The following PLD5 variants were observed in gnomAD, a reference collection of about 807,000 sequenced individuals.
PLD5 encodes phospholipase D family member 5, also known as inactive phospholipase D5.
In PLD5, 36 loss-of-function variants were observed where a neutral mutation model predicts 61.1. That is an observed-to-expected ratio of 0.59 (90% CI 0.45 to 0.78). PLD5 has a LOEUF of 0.78. Among genes scored for constraint, PLD5 ranks in the 30% least tolerant of loss-of-function variants. The probability of loss-of-function intolerance (pLI) is 0.00; values close to 1 mark genes in which losing one functional copy is unlikely to be tolerated. For synonymous variants in PLD5, 243 were observed against 242.8 expected (o/e 1.00, Z -0.01); for missense variants, 515 against 644.4 (o/e 0.80, Z 2.17).
At chr1:242,137,148 A>T (rs1335311698) in intron 5 of PLD5, among the ~76,000 whole-genome samples, 1 of 152,180 alleles carries the variant, frequency 6.6e-6, no homozygotes, top group Non-Finnish European at 1.5e-5. Context: ...CTGGGCAAAT[A>T]ACTCACAATC....
chr1:242,307,390 T>C (rs1439045113), intron 2 of PLD5, among the ~76,000 whole-genome samples: 3 of 152,228 alleles, frequency 2.0e-5, no homozygotes, highest in African/African-American at 7.2e-5. Context: ...ATGATGATGA[T>C]AGTAATCGCT....
At chr1:242,142,714 T>TTCTCTCTCTCTCTCTCTCTCTC in intron 5 of PLD5, among the ~76,000 whole-genome samples, 1 of 90,088 alleles carries the variant, frequency 1.1e-5, no homozygotes, top group South Asian at 3.2e-4. Flanking sequence ...AGCTGTGTCT[T>TTCTCTCTCTCTCTCTCTCTCTC]TCTCTCTCTC....
At chr1:242,152,336 T>G (rs1836766) in intron 5 of PLD5, among the ~76,000 whole-genome samples, 72,203 of 151,894 alleles carry the variant, frequency 0.48, 18,627 homozygotes, top group African/African-American at 0.68. Flanking sequence ...GACCCATCTG[T>G]ATAATTAGGA....
intron 1 of PLD5, among the ~76,000 whole-genome samples, chr1:242,460,935 T>A (rs897236212): frequency 6.7e-6 from 1 of 149,996 alleles, no homozygotes; most frequent in Admixed American, 6.7e-5. Flanking sequence ...AGGTCAGGAG[T>A]TCCAGACCAG....
upstream of PLD5, among the ~76,000 whole-genome samples, chr1:242,528,892 G>C (rs930453905): frequency 6.6e-6 from 1 of 152,204 alleles, no homozygotes; most frequent in Non-Finnish European, 1.5e-5. Context: ...GTGTTGCCAA[G>C]TATTACTACA....
At chr1:242,215,622 G>A (rs570663870) in intron 5 of PLD5, among the ~76,000 whole-genome samples, 9 of 152,150 alleles carry the variant, frequency 5.9e-5, no homozygotes, top group East Asian at 1.9e-4. Flanking sequence ...ACACCCCCTC[G>A]GGTCCTCTTT....
intron 4 of PLD5, among the ~76,000 whole-genome samples, chr1:242,247,045 G>T (rs1211700318): frequency 6.7e-6 from 1 of 149,328 alleles, no homozygotes; most frequent in Non-Finnish European, 1.5e-5. Context: ...GTGCAGTGGC[G>T]CGATCTCGAC....
Position 242,440,819 on chromosome 1 carries a change from C to T in PLD5, c.189+83269G>A, listed in dbSNP as rs372461922. Among the ~76,000 whole-genome samples the T allele has an allele frequency of 1.9e-4, 29 of 152,328 alleles. No homozygotes were observed. The East Asian group carries it at 3.1e-3, about 16-fold the overall frequency. ...ACTCATTGCTCCCTCTCCCTCACTC[C>T]GCCTCCTCCTACTGCTCTGTCCATT... is the stretch of plus-strand genomic sequence containing the variant. On this transcript the variant is annotated intron_variant, in intron 1 of 9. Transcript: ENST00000536534.
rs1332959381 is a variant in PLD5, at chr1:242,136,391, G to A, written c.736-11726C>T. Among the ~76,000 whole-genome samples, 5 of 152,242 alleles carry A rather than the reference G, an allele frequency of 3.3e-5. No individual in the cohort carries two copies. The East Asian group carries it at 5.8e-4, about 18-fold the overall frequency. ...CGTAATATACTCTTGACTTACACCT[G>A]TTGCTTGTAGACTGGTCGTATTTTT... On this transcript the variant is annotated intron_variant, in intron 5 of 9. Coordinates refer to ENST00000536534, the MANE Select transcript of PLD5 (RefSeq NM_001372062.1).
intron 2 of PLD5, among the ~76,000 whole-genome samples, chr1:242,297,640 T>G (rs1375224599): frequency 2.3e-4 from 10 of 42,990 alleles, no homozygotes. Context: ...TTTTTTTTTT[T>G]TTTTTTTTTT....
At chr1:242,301,405 G>T (rs908462538) in intron 2 of PLD5, among the ~76,000 whole-genome samples, 9 of 152,156 alleles carry the variant, frequency 5.9e-5, no homozygotes, top group Non-Finnish European at 1.0e-4. Context: ...TGCCACTTTG[G>T]CAAAAGGATT....
intron 1 of PLD5, among the ~76,000 whole-genome samples, chr1:242,468,286 TG>T (rs1667336464): frequency 6.6e-6 from 1 of 152,182 alleles, no homozygotes; most frequent in African/African-American, 2.4e-5. Flanking sequence ...TCCAATATGA[TG>T]GTTAGATCAA....
At chr1:242,329,573 T>C (rs976986929) in intron 2 of PLD5, among the ~76,000 whole-genome samples, 2 of 152,224 alleles carry the variant, frequency 1.3e-5, no homozygotes, top group Non-Finnish European at 2.9e-5. Context: ...CACTTTGATA[T>C]AACCAGTCAT....
At chr1:242,261,402 A>G (rs1017059807) in intron 4 of PLD5, among the ~76,000 whole-genome samples, 1 of 152,202 alleles carries the variant, frequency 6.6e-6, no homozygotes, top group Non-Finnish European at 1.5e-5. Flanking sequence ...TATAGTATCT[A>G]GAACACAACA....
chr1:242,089,537 C>G lies in PLD5; in HGVS notation c.*317G>C. 1 of 498,160 alleles carries G rather than the reference C, an allele frequency of 2.0e-6. No homozygotes were observed. Among genetic ancestry groups the G allele is most frequent in the Non-Finnish European group, 3.5e-6 (1 of 286,412 alleles). 30.9% of individuals were successfully genotyped at this position (498,160 alleles called of 1,614,324 possible). On this transcript the variant is annotated 3_prime_UTR_variant, in exon 10 of 10. Transcript: ENST00000536534. ...CATGCTAAGCTTCCTAACAACTGAC[C>G]GGGTAGGTCAGCAGAAAAAGTTCTA...
At chr1:242,497,736 C>T (rs1668417122) in intron 1 of PLD5, among the ~76,000 whole-genome samples, 1 of 152,202 alleles carries the variant, frequency 6.6e-6, no homozygotes, top group Non-Finnish European at 1.5e-5. Context: ...ACAAATACAG[C>T]TCTGCTTTCT....
chr1:242,201,596 A>C (rs889961276), intron 5 of PLD5, among the ~76,000 whole-genome samples: 12 of 152,078 alleles, frequency 7.9e-5, no homozygotes, highest in Non-Finnish European at 1.5e-4. Flanking sequence ...ATCAAAACCC[A>C]CTGCGGCCTT....
intron 1 of PLD5, among the ~76,000 whole-genome samples, chr1:242,355,070 G>T (rs1660683915): frequency 6.6e-6 from 1 of 151,972 alleles, no homozygotes; most frequent in Non-Finnish European, 1.5e-5. Context: ...CAAGGATATT[G>T]GCCTGTAGTT....
intron 4 of PLD5, among the ~76,000 whole-genome samples, chr1:242,220,703 A>ATT (rs1670519012): frequency 1.2e-4 from 11 of 89,392 alleles, no homozygotes; most frequent in Non-Finnish European, 4.6e-5. Flanking sequence ...ATTTTTTTTA[A>ATT]TTTATATTTT....
Sources: gnomAD v4.1 joint callset for allele counts (sites outside exome capture counted in the v4.1 genomes callset) on GRCh38, gnomAD v4.1.1 for gene constraint, MANE v1.5 for transcripts, NCBI Gene and HGNC (gene_info 2026-07-23, HGNC 2026-07-21) for gene names.